Variants in MCF2L2 observed in about 807,000 individuals in gnomAD.
MCF2L2 encodes the protein MCF.2 cell line derived transforming sequence-like 2.
In MCF2L2, 102 loss-of-function variants were observed where a neutral mutation model predicts 150.2. The observed-to-expected ratio is 0.68, with a 90% confidence interval of 0.58 to 0.80. MCF2L2 has a LOEUF of 0.80. Ranked by LOEUF, MCF2L2 falls within the 30% of genes least tolerant of loss-of-function variation. MCF2L2 has a pLI of 0.00. For missense variants in MCF2L2, 1,256 were observed against 1,372.8 expected (o/e 0.91, Z 1.34); for synonymous variants, 465 against 491.3 (o/e 0.95, Z 0.71).
At chr3:183,332,635 C>T (rs550515279) in intron 5 of MCF2L2, among the ~76,000 whole-genome samples, 16 of 152,222 alleles carry the variant, frequency 1.1e-4, no homozygotes, top group African/African-American at 2.9e-4. Context: ...CAACTCCAAA[C>T]GTTTTTGAGT....
chr3:183,185,379 A>G (rs1290611013), intron 27 of MCF2L2, among the ~76,000 whole-genome samples: 1 of 152,246 alleles, frequency 6.6e-6, no homozygotes, highest in Non-Finnish European at 1.5e-5. Flanking sequence ...AACTGCTAAC[A>G]ATTCCATGCT....
chr3:183,334,509 C>T (rs1053330249), intron 5 of MCF2L2, among the ~76,000 whole-genome samples: 17 of 151,880 alleles, frequency 1.1e-4, no homozygotes, highest in African/African-American at 4.1e-4. Context: ...AAGAAAGGGC[C>T]GGGCATGGTG....
chr3:183,221,193 C>G (rs146473743), intron 20 of MCF2L2, among the ~76,000 whole-genome samples: 330 of 152,340 alleles, frequency 2.2e-3, no homozygotes, highest in African/African-American at 7.6e-3. Flanking sequence ...TGTGGGGACA[C>G]TGCTCTGGTC....
chr3:183,395,010 G>A (rs1441088262), intron 1 of MCF2L2, among the ~76,000 whole-genome samples: 2 of 152,162 alleles, frequency 1.3e-5, no homozygotes, highest in Admixed American at 1.3e-4. Context: ...CTCTAAGGAT[G>A]ATATTGAACT....
At position 183,229,653 on chromosome 3, in the gene MCF2L2, A is replaced by G; in HGVS notation, c.2045+13T>C. The G allele has an allele frequency of 2.6e-6, 3 of 1,176,256 alleles. No homozygotes were observed. Among genetic ancestry groups the G allele is most frequent in the Non-Finnish European group, 3.8e-6 (3 of 798,902 alleles). The allele number at this position is 1,176,256 out of a possible 1,614,324, so 72.9% of individuals were successfully genotyped here. A position where few individuals can be genotyped will look rare whatever the true frequency, so the allele number is the denominator to read the frequency against. ...ACTCTCCATTCTTTCTGATAACATG[A>G]ATTATTATATACCTGTTGTGAAATT... is the stretch of plus-strand genomic sequence containing the variant. On this transcript the variant is annotated intron_variant, in intron 17 of 29. Coordinates refer to ENST00000328913, the MANE Select transcript of MCF2L2 (RefSeq NM_015078.4).
chr3:183,422,467 C>G (rs1336912663), intron 1 of MCF2L2, among the ~76,000 whole-genome samples: 1 of 152,176 alleles, frequency 6.6e-6, no homozygotes, highest in East Asian at 1.9e-4. Flanking sequence ...GCAAAAGCAA[C>G]CAGGTCTCAG....
chr3:183,353,438 T>C (rs558160974), intron 3 of MCF2L2, among the ~76,000 whole-genome samples: 2 of 152,330 alleles, frequency 1.3e-5, no homozygotes, highest in East Asian at 3.9e-4. Context: ...TATAAAAATA[T>C]ATCTGAAGCT....
At chr3:183,287,897 TCA>T (rs1333184359) in intron 14 of MCF2L2, 2 of 152,188 alleles carry the variant, frequency 1.3e-5, no homozygotes, top group East Asian at 3.9e-4. Context: ...GGGTTCATAT[TCA>T]GATACTTTGG....
chr3:183,337,525 C>T (rs571957812), intron 5 of MCF2L2, among the ~76,000 whole-genome samples: 2 of 143,026 alleles, frequency 1.4e-5, no homozygotes, highest in Non-Finnish European at 3.0e-5. Flanking sequence ...TGCACTCCAG[C>T]CTGGGCACCA....
At chr3:183,339,359 T>C (rs767395259) in intron 4 of MCF2L2, among the ~76,000 whole-genome samples, 47 of 152,332 alleles carry the variant, frequency 3.1e-4, no homozygotes, top group Non-Finnish European at 5.7e-4. Flanking sequence ...CACTTAATGT[T>C]ATACCATAGG....
In MCF2L2 at chr3:183,296,989, G is replaced by T; in HGVS notation, c.1484C>A (p.Thr495Asn). Residue 495 changes from threonine (T) to asparagine (N), a missense_variant, in exon 12 of 30, where the codon ACC becomes AAC. Physicochemically the swap from Thr to Asn is moderately conservative, Grantham distance 65 (BLOSUM62 0). Coordinates refer to ENST00000328913, the MANE Select transcript of MCF2L2 (RefSeq NM_015078.4). ...CGGAAGCATTACCTTTGCATCGAGG[G>T]TGAGCAGCAACTCAAACTCGTTGTA... is the stretch of plus-strand genomic sequence containing the variant. The part of the protein sequence containing the change: ...EFYNEFELLL[T>N]LDAKAKAQKV... The T allele has an allele frequency of 6.2e-7, 1 of 1,613,796 alleles. No homozygotes were observed. Among genetic ancestry groups the T allele is most frequent in the African/African-American group, 1.3e-5 (1 of 75,032 alleles).
intron 3 of MCF2L2, among the ~76,000 whole-genome samples, chr3:183,370,303 C>T (rs542468498): frequency 1.3e-5 from 2 of 152,312 alleles, no homozygotes; most frequent in East Asian, 3.9e-4. Context: ...CCAGCAGATG[C>T]GGATGCAAGC....
At chr3:183,316,298 G>T (rs1729598843) in intron 7 of MCF2L2, among the ~76,000 whole-genome samples, 1 of 94,804 alleles carries the variant, frequency 1.1e-5, no homozygotes, top group African/African-American at 6.5e-5. Context: ...TTTCAGTCCA[G>T]ATTTTTTTTT....
intron 2 of MCF2L2, among the ~76,000 whole-genome samples, chr3:183,382,587 C>T (rs1393513337): frequency 6.6e-6 from 1 of 152,104 alleles, no homozygotes; most frequent in African/African-American, 2.4e-5. Flanking sequence ...TCTAGTGCCA[C>T]CTTCTGAGGA....
At chr3:183,372,141 T>C (rs60228618) in intron 3 of MCF2L2, 48,037 of 151,794 alleles carry the variant, frequency 0.32, 11,665 homozygotes, top group African/African-American at 0.68. Flanking sequence ...GAGATTTATT[T>C]TCCCTTCACA....
At chr3:183,288,219 G>A (rs1385644943) in intron 14 of MCF2L2, among the ~76,000 whole-genome samples, 1 of 152,138 alleles carries the variant, frequency 6.6e-6, no homozygotes, top group East Asian at 1.9e-4. Context: ...GTTTCAAGAG[G>A]TTATGTTGCT....
chr3:183,280,281 CA>C (rs2108464711), intron 14 of MCF2L2, among the ~76,000 whole-genome samples: 1 of 151,074 alleles, frequency 6.6e-6, no homozygotes. Context: ...TGCATGCTCT[CA>C]AAATTGAAAA....
intron 9 of MCF2L2, 115 bp from the exon 10 acceptor site, chr3:183,309,950 A>G (rs1328622693): frequency 8.2e-7 from 1 of 1,217,372 alleles, no homozygotes; most frequent in Non-Finnish European, 1.1e-6. Context: ...AGACTTGTAT[A>G]TATCTATATA....
chr3:183,412,752 C>G (rs1233628305), intron 1 of MCF2L2, among the ~76,000 whole-genome samples: 2 of 151,978 alleles, frequency 1.3e-5, no homozygotes, highest in Middle Eastern at 3.2e-3. Context: ...GCTAGAACAT[C>G]CAGTGCAATG....
Sources: gnomAD v4.1 joint callset for allele counts (sites outside exome capture counted in the v4.1 genomes callset) on GRCh38, gnomAD v4.1.1 for gene constraint, MANE v1.5 for transcripts, NCBI Gene and HGNC (gene_info 2026-07-23, HGNC 2026-07-21) for gene names.